Variants in GSTCD observed in about 807,000 individuals in gnomAD.
GSTCD encodes the protein glutathione S-transferase C-terminal domain-containing protein.
Under a neutral mutation model 68.3 loss-of-function variants are expected in GSTCD, and 44 were observed. The observed-to-expected ratio is 0.64, with a 90% CI of 0.51 to 0.83. The LOEUF (loss-of-function observed/expected upper bound fraction) is 0.83. GSTCD is among the 40% of genes least tolerant of loss of function. The probability of loss-of-function intolerance (pLI) is 0.00; values close to 1 mark genes in which losing one functional copy is unlikely to be tolerated. For synonymous variants in GSTCD, 273 were observed against 255.2 expected (o/e 1.07, Z -0.67); for missense variants, 739 against 735.9 (o/e 1.00, Z -0.05).
intron 5 of GSTCD, among the ~76,000 whole-genome samples, chr4:105,778,421 C>G (rs2068058114): frequency 1.3e-5 from 2 of 151,978 alleles, no homozygotes; most frequent in Non-Finnish European, 2.9e-5. Context: ...TTTGCAATAT[C>G]CATTTAAAAG....
intron 5 of GSTCD, among the ~76,000 whole-genome samples, chr4:105,771,365 T>G (rs1413740001): frequency 6.6e-6 from 1 of 152,168 alleles, no homozygotes; most frequent in Non-Finnish European, 1.5e-5. Context: ...CAAAAGCTCT[T>G]TAGTTTAATT....
chr4:105,805,876 G>A (rs1275909927), intron 5 of GSTCD, among the ~76,000 whole-genome samples: 1 of 151,798 alleles, frequency 6.6e-6, no homozygotes, highest in African/African-American at 2.4e-5. Context: ...ATGAAACACT[G>A]TTTTTTTAAG....
chr4:105,709,397 T>C (rs1732439923), intron 1 of GSTCD, among the ~76,000 whole-genome samples: 1 of 152,182 alleles, frequency 6.6e-6, no homozygotes, highest in Non-Finnish European at 1.5e-5. Flanking sequence ...TTCTCTTCTC[T>C]CTTTGGCATT....
intron 5 of GSTCD, among the ~76,000 whole-genome samples, chr4:105,746,585 G>A (rs1340263607): frequency 6.6e-6 from 1 of 152,098 alleles, no homozygotes; most frequent in African/African-American, 2.4e-5. Flanking sequence ...CTAACTCTTT[G>A]TGTAGATCAC....
chr4:105,832,147 T>A (rs555764398), intron 8 of GSTCD, among the ~76,000 whole-genome samples: 1 of 152,286 alleles, frequency 6.6e-6, no homozygotes, highest in South Asian at 2.1e-4. Context: ...TAATTTTTAT[T>A]TTTTTATATG....
At chr4:105,799,394 C>T (rs1396882215) in intron 5 of GSTCD, among the ~76,000 whole-genome samples, 1 of 152,144 alleles carries the variant, frequency 6.6e-6, no homozygotes, top group East Asian at 1.9e-4. Context: ...TTCAACATGC[C>T]TTCCTCACTA....
chr4:105,815,700 A>G (rs960119586), intron 5 of GSTCD, among the ~76,000 whole-genome samples: 1 of 152,164 alleles, frequency 6.6e-6, no homozygotes, highest in African/African-American at 2.4e-5. Flanking sequence ...GATTACTTGA[A>G]TGGCCTCAAA....
chr4:105,717,929 G>C lies in GSTCD; in HGVS notation c.316G>C (p.Ala106Pro). ...AGACAATTTTTGTAGAGCAGGACTT[G>C]CTGTTGTATTGAGACACATAATCCA... ...RSDNFCRAGLAVVLRHIIQKS... is the reference protein window; with the variant it reads ...RSDNFCRAGLPVVLRHIIQKS... Residue 106 changes from alanine to proline, a missense_variant, in exon 2 of 12, where the codon GCT (alanine) becomes CCT (proline). Coordinates refer to ENST00000515279, the MANE Select transcript of GSTCD (RefSeq NM_001370181.1). 6.2e-7 allele frequency: 1 copy of C among 1,614,112 alleles called. No individual in the cohort carries two copies. The highest frequency in any genetic ancestry group is 8.5e-7 in the Non-Finnish European group (1 of 1,179,988).
chr4:105,776,123 C>T (rs1382420019), intron 5 of GSTCD, among the ~76,000 whole-genome samples: 1 of 152,226 alleles, frequency 6.6e-6, no homozygotes, highest in African/African-American at 2.4e-5. Context: ...TTCTAACTTC[C>T]TGGTGGCTTT....
chr4:105,797,792 T>TTTTTTTTTTTTTTTTTA, intron 5 of GSTCD, among the ~76,000 whole-genome samples: 1 of 84,296 alleles, frequency 1.2e-5, no homozygotes, highest in African/African-American at 4.3e-5. Flanking sequence ...TTTTTTTTTT[T>TTTTTTTTTTTTTTTTTA]GAGACAGAGT....
intron 5 of GSTCD, among the ~76,000 whole-genome samples, chr4:105,817,680 A>C (rs1473897223): frequency 6.6e-6 from 1 of 151,914 alleles, no homozygotes; most frequent in Non-Finnish European, 1.5e-5. Context: ...CCTAACCTAC[A>C]GTGTAAACTT....
intron 5 of GSTCD, among the ~76,000 whole-genome samples, chr4:105,778,744 A>T (rs1442169083): frequency 6.6e-6 from 1 of 152,080 alleles, no homozygotes; most frequent in African/African-American, 2.4e-5. Context: ...TGTAACTAAG[A>T]TTTTTTCTGT....
intron 5 of GSTCD, among the ~76,000 whole-genome samples, chr4:105,781,928 G>T (rs564775367): frequency 2.0e-5 from 3 of 151,976 alleles, no homozygotes; most frequent in South Asian, 4.1e-4. Context: ...ATGTCTGTGT[G>T]GGGTAGTTCG....
chr4:105,823,536 T>G (rs563682688), intron 7 of GSTCD: 141 of 290,384 alleles, frequency 4.9e-4, no homozygotes, highest in South Asian at 1.5e-3. Context: ...AGCTATTTTA[T>G]TGCTAAATAA....
chr4:105,809,862 G>C (rs2553462), intron 5 of GSTCD, among the ~76,000 whole-genome samples: 92,380 of 151,656 alleles, frequency 0.61, 33,748 homozygotes, highest in East Asian at 0.9. Flanking sequence ...GAGAAATTGT[G>C]TTTTTCTAGG....
chr4:105,825,125 TTGGTTG>T (rs1723528944), intron 7 of GSTCD, among the ~76,000 whole-genome samples: 1 of 150,784 alleles, frequency 6.6e-6, no homozygotes, highest in African/African-American at 2.5e-5. Context: ...GGTTGGTTGG[TTGGTTG>T]GTTTGTTTGT....
At chr4:105,794,407 C>G (rs946779607) in intron 5 of GSTCD, among the ~76,000 whole-genome samples, 1 of 151,896 alleles carries the variant, frequency 6.6e-6, no homozygotes, top group African/African-American at 2.4e-5. Context: ...AAACTCTGGA[C>G]TTTGAGTTAT....
intron 10 of GSTCD, among the ~76,000 whole-genome samples, chr4:105,838,628 T>G (rs368741799): frequency 6.6e-6 from 1 of 152,198 alleles, no homozygotes; most frequent in African/African-American, 2.4e-5. Flanking sequence ...TTGTAAAACA[T>G]GAAGAAACAC....
intron 5 of GSTCD, chr4:105,821,044 G>T (rs147355354): frequency 1.3e-5 from 2 of 151,670 alleles, no homozygotes; most frequent in African/African-American, 4.8e-5. Context: ...AGAAATGCTC[G>T]TGCTCATTCC....
Sources: gnomAD v4.1 joint callset for allele counts (sites outside exome capture counted in the v4.1 genomes callset) on GRCh38, gnomAD v4.1.1 for gene constraint, MANE v1.5 for transcripts, NCBI Gene and HGNC (gene_info 2026-07-23, HGNC 2026-07-21) for gene names.